The following SV2C variants were observed in gnomAD, a reference collection of about 807,000 sequenced individuals.
SV2C encodes the protein synaptic vesicle glycoprotein 2C.
In SV2C, 49 loss-of-function variants were observed where a neutral mutation model predicts 79.7. The observed-to-expected ratio is 0.61, with a 90% confidence interval of 0.49 to 0.78. The LOEUF is 0.78. SV2C is among the 30% of genes least tolerant of loss of function. The pLI, the probability that SV2C is intolerant of heterozygous loss-of-function variation, is 0.00. For missense variants in SV2C, 833 were observed against 912.9 expected, an observed-to-expected ratio of 0.91 and a Z score of 1.13; for synonymous variants, 334 against 333.2, an observed-to-expected ratio of 1.00 and a Z score of -0.03.
Position 76,185,600 on chromosome 5 carries a change from T to C in SV2C, c.581-9319T>C, listed in dbSNP as rs186179176. Among the ~76,000 whole-genome samples the C allele has an allele frequency of 9.2e-5, 14 of 152,374 alleles. No individual in the cohort carries two copies. The East Asian group carries it at 2.7e-3, about 29-fold the overall frequency. ...CCACCAAGGCTTGGGGCTTGCACTC[T>C]CTGAAGCAATAGCCTGAGCTATAAT... On this transcript the variant is annotated intron_variant, in intron 2 of 12. Coordinates refer to ENST00000502798, the MANE Select transcript of SV2C (RefSeq NM_014979.4).
At chr5:75,962,435 G>A in the SV2C span, among the ~76,000 whole-genome samples, 1 of 152,024 alleles carries the variant, frequency 6.6e-6, no homozygotes, top group South Asian at 2.1e-4. Context: ...GTAAAATAAG[G>A]CAATGTATTG....
the SV2C span, among the ~76,000 whole-genome samples, chr5:75,890,320 T>TTG: frequency 6.6e-6 from 1 of 152,088 alleles, no homozygotes; most frequent in Non-Finnish European, 1.5e-5. Flanking sequence ...TAAATCTTTA[T>TTG]TATACATAGA....
chr5:76,151,740 T>C (rs1192985423), intron 2 of SV2C, among the ~76,000 whole-genome samples: 1 of 152,174 alleles, frequency 6.6e-6, no homozygotes, highest in Non-Finnish European at 1.5e-5. Flanking sequence ...TTGGTTATCC[T>C]GAACTGTAAC....
chr5:76,254,670 A>C (rs143372608), intron 4 of SV2C, among the ~76,000 whole-genome samples: 7 of 152,322 alleles, frequency 4.6e-5, no homozygotes, highest in African/African-American at 1.7e-4. Flanking sequence ...TTTCCCCAAG[A>C]CTGTCACTAA....
chr5:76,230,558 A>C (rs1366129281), intron 4 of SV2C, among the ~76,000 whole-genome samples: 1 of 152,246 alleles, frequency 6.6e-6, no homozygotes, highest in Admixed American at 6.5e-5. Flanking sequence ...TGGGAGGCCA[A>C]GGCGGGTGGA....
intron 2 of SV2C, among the ~76,000 whole-genome samples, chr5:76,138,624 GA>G (rs1238499672): frequency 6.6e-6 from 1 of 152,152 alleles, no homozygotes; most frequent in African/African-American, 2.4e-5. Context: ...CAGAGTGACA[GA>G]AAAAATAAAG....
chr5:76,225,728 G>C (rs1745216180), intron 4 of SV2C, among the ~76,000 whole-genome samples: 1 of 152,186 alleles, frequency 6.6e-6, no homozygotes, highest in African/African-American at 2.4e-5. Flanking sequence ...TTAGGCAACT[G>C]GTTGAGGGCC....
At chr5:76,046,565 T>A in the SV2C span, among the ~76,000 whole-genome samples, 3 of 152,208 alleles carry the variant, frequency 2.0e-5, no homozygotes, top group South Asian at 6.2e-4. Context: ...AAAGTTTTCC[T>A]ACTGAATGGG....
chr5:76,127,353 C>T (rs111741512), intron 1 of SV2C, among the ~76,000 whole-genome samples: 3,381 of 152,174 alleles, frequency 0.022, 47 homozygotes, highest in Non-Finnish European at 0.032. Context: ...TGTGTTTTGC[C>T]AGAATAATGC....
chr5:76,154,286 G>A (rs1351852918), intron 2 of SV2C, among the ~76,000 whole-genome samples: 2 of 152,112 alleles, frequency 1.3e-5, no homozygotes, highest in African/African-American at 4.8e-5. Context: ...TGCCTTTTCT[G>A]TCTTTTGCTT....
intron 1 of SV2C, among the ~76,000 whole-genome samples, chr5:76,084,794 G>C (rs1323266708): frequency 3.3e-5 from 5 of 151,678 alleles, no homozygotes; most frequent in Admixed American, 6.6e-5. Flanking sequence ...GGCGCGCCTG[G>C]CGCGGAGAGC....
chr5:76,316,129 A>T (rs1450762249), intron 12 of SV2C, among the ~76,000 whole-genome samples: 2 of 152,368 alleles, frequency 1.3e-5, no homozygotes, highest in Middle Eastern at 3.4e-3. Flanking sequence ...AATGAAAAAA[A>T]AGCAGAAAGC....
chr5:76,305,731 A>G (rs909717691), intron 12 of SV2C, among the ~76,000 whole-genome samples: 1 of 152,222 alleles, frequency 6.6e-6, no homozygotes, highest in African/African-American at 2.4e-5. Flanking sequence ...CCATTTTTCC[A>G]TTCTGTAAAT....
At chr5:75,907,527 G>T in the SV2C span, among the ~76,000 whole-genome samples, 1 of 152,086 alleles carries the variant, frequency 6.6e-6, no homozygotes, top group Admixed American at 6.6e-5. Flanking sequence ...ACACAAAACT[G>T]CTAAGAAAGA....
chr5:76,166,147 G>A (rs1743041378), intron 2 of SV2C, among the ~76,000 whole-genome samples: 2 of 152,168 alleles, frequency 1.3e-5, no homozygotes, highest in African/African-American at 4.8e-5. Context: ...ATTATGCCCA[G>A]AATAGAAATA....
At chr5:76,001,213 G>A in the SV2C span, among the ~76,000 whole-genome samples, 1 of 152,192 alleles carries the variant, frequency 6.6e-6, no homozygotes, top group African/African-American at 2.4e-5. Flanking sequence ...CTTAGAGAGA[G>A]GAAGAGGGTC....
the SV2C span, among the ~76,000 whole-genome samples, chr5:75,914,034 C>A: frequency 4.6e-5 from 7 of 152,062 alleles, no homozygotes; most frequent in South Asian, 1.5e-3. Context: ...CACCCATTTG[C>A]CAATGTGGGT....
chr5:76,268,379 G>A (rs1395062019), intron 4 of SV2C, among the ~76,000 whole-genome samples: 2 of 152,174 alleles, frequency 1.3e-5, no homozygotes, highest in African/African-American at 4.8e-5. Flanking sequence ...GTGGAGTCCA[G>A]GAGGCAGGAG....
At chr5:76,275,090 A>G (rs566431031) in intron 4 of SV2C, among the ~76,000 whole-genome samples, 2 of 152,316 alleles carry the variant, frequency 1.3e-5, no homozygotes, top group East Asian at 1.9e-4. Flanking sequence ...CACATATGAT[A>G]CTTAATGTTT....
Sources: gnomAD v4.1 joint callset for allele counts (sites outside exome capture counted in the v4.1 genomes callset) on GRCh38, gnomAD v4.1.1 for gene constraint, MANE v1.5 for transcripts, NCBI Gene and HGNC (gene_info 2026-07-23, HGNC 2026-07-21) for gene names.